ASAP2: variants seen among roughly 807,000 people sequenced by gnomAD.
ASAP2 encodes the protein ArfGAP with SH3 domain, ankyrin repeat and PH domain 2.
Under a neutral mutation model 131.4 loss-of-function variants are expected in ASAP2, and 45 were observed. The observed-to-expected ratio is 0.34, with a 90% CI of 0.27 to 0.44. The LOEUF (loss-of-function observed/expected upper bound fraction) is 0.44. Ranked by LOEUF, ASAP2 falls within the 20% of genes least tolerant of loss-of-function variation. ASAP2 has a pLI of 1.00. For synonymous variants in ASAP2, 510 were observed against 503.0 expected (o/e 1.01, Z -0.19); for missense variants, 1,011 against 1,297.0 (o/e 0.78, Z 3.39).
chr2:9,311,765 G>A lies in ASAP2; in HGVS notation c.346-6759G>A, dbSNP rs933368545. ...AGCCCAGAGCCTGCCCGCCACTCAG[G>A]CTGCAGGGCACACCTGCCGAGAAGC... On this transcript the variant is annotated intron_variant, in intron 3 of 27. Coordinates refer to ENST00000281419, the MANE Select transcript of ASAP2 (RefSeq NM_003887.3). The surrounding 1 kb of genome is among the most constrained non-coding windows in gnomAD (Gnocchi z 5.2). Among the ~76,000 whole-genome samples, 15 of 152,204 alleles carry A rather than the reference G, an allele frequency of 9.9e-5. No homozygotes were observed. The highest frequency in any genetic ancestry group is 3.4e-4 in the African/African-American group (14 of 41,438).
intron 2 of ASAP2, among the ~76,000 whole-genome samples, chr2:9,280,229 C>G (rs1667043627): frequency 6.6e-6 from 1 of 152,202 alleles, no homozygotes. Flanking sequence ...TGTGTCCCCT[C>G]ACCCTCGTGG....
At chr2:9,369,470 C>A (rs1051361943) in intron 16 of ASAP2, among the ~76,000 whole-genome samples, 4 of 152,094 alleles carry the variant, frequency 2.6e-5, no homozygotes, top group African/African-American at 9.7e-5. Flanking sequence ...GTCCGGCTCG[C>A]CTTAGACTTC....
intron 1 of ASAP2, among the ~76,000 whole-genome samples, chr2:9,252,488 C>T (rs1018929837): frequency 7.2e-5 from 11 of 151,978 alleles, no homozygotes; most frequent in African/African-American, 2.2e-4. Flanking sequence ...GCAGGAGAAT[C>T]GCTTAAACCC....
chr2:9,301,884 C>T (rs1267221426), intron 3 of ASAP2, among the ~76,000 whole-genome samples: 1 of 134,640 alleles, frequency 7.4e-6, no homozygotes, highest in Admixed American at 8.3e-5. Flanking sequence ...AGTGCAGTGG[C>T]ACAATCTCAG....
Position 9,330,048 on chromosome 2 carries a change from G to A in ASAP2, c.686+2137G>A, listed in dbSNP as rs192312377. Among the ~76,000 whole-genome samples, 8 of 152,300 alleles carry A rather than the reference G, an allele frequency of 5.3e-5. No individual in the cohort carries two copies. The East Asian group carries it at 1.4e-3, about 26-fold the overall frequency. On this transcript the variant is annotated intron_variant, in intron 7 of 27. Transcript: ENST00000281419. ...CATTTATTTGTTTTATATCTACAGTGTGTGGCACATTTACCTGGCACGTAT... is the reference window on the plus strand; with the variant it reads ...CATTTATTTGTTTTATATCTACAGTATGTGGCACATTTACCTGGCACGTAT...
intron 1 of ASAP2, among the ~76,000 whole-genome samples, chr2:9,270,499 A>T (rs1196665197): frequency 6.6e-6 from 1 of 152,108 alleles, no homozygotes; most frequent in African/African-American, 2.4e-5. Flanking sequence ...TGATACAGGC[A>T]TGCAGTGCAT....
chr2:9,330,667 C>A (rs1670773322), intron 7 of ASAP2, among the ~76,000 whole-genome samples: 3 of 152,172 alleles, frequency 2.0e-5, no homozygotes. Context: ...TTGTGATGAG[C>A]ATGCAAATTA....
chr2:9,343,026 T>C (rs1222870375), intron 9 of ASAP2, among the ~76,000 whole-genome samples: 2 of 152,242 alleles, frequency 1.3e-5, no homozygotes, highest in African/African-American at 4.8e-5. Context: ...GTTAGTTCTT[T>C]CATCGTTTGG....
chr2:9,398,053 C>G (rs528315857), intron 24 of ASAP2, among the ~76,000 whole-genome samples: 1 of 151,630 alleles, frequency 6.6e-6, no homozygotes, highest in East Asian at 2.0e-4. Flanking sequence ...CCACTGCGCC[C>G]GGCCTCAAAA....
chr2:9,289,333 T>A (rs1346510256), intron 2 of ASAP2, among the ~76,000 whole-genome samples: 1 of 152,218 alleles, frequency 6.6e-6, no homozygotes, highest in East Asian at 1.9e-4. Flanking sequence ...TCTCACTTAT[T>A]GGATGCTTGC....
intron 1 of ASAP2, among the ~76,000 whole-genome samples, chr2:9,211,016 G>A (rs1661503817): frequency 1.3e-5 from 2 of 152,088 alleles, no homozygotes; most frequent in Admixed American, 6.5e-5. Context: ...TTAGCTGGGT[G>A]TGGTGGCGCA....
chr2:9,323,774 G>A (rs75836447), intron 6 of ASAP2, among the ~76,000 whole-genome samples: 3,106 of 152,238 alleles, frequency 0.02, 111 homozygotes, highest in African/African-American at 0.071. Context: ...CCTGGGGAGC[G>A]CCTCTCTGCT....
At chr2:9,298,953 A>G (rs1668322553) in intron 3 of ASAP2, among the ~76,000 whole-genome samples, 1 of 152,198 alleles carries the variant, frequency 6.6e-6, no homozygotes, top group East Asian at 1.9e-4. Context: ...GGACACAACT[A>G]TGGTAAGAAA....
intron 5 of ASAP2, among the ~76,000 whole-genome samples, chr2:9,322,263 C>T (rs947581409): frequency 9.2e-5 from 14 of 152,318 alleles, no homozygotes; most frequent in African/African-American, 3.1e-4. Flanking sequence ...TCTTCTTAAA[C>T]ACTCTAGTCC....
chr2:9,364,752 G>A (rs1346480062), intron 15 of ASAP2, among the ~76,000 whole-genome samples: 2 of 152,164 alleles, frequency 1.3e-5, no homozygotes, highest in African/African-American at 4.8e-5. Flanking sequence ...ACTGAAATGT[G>A]CCACCCAGAT....
chr2:9,316,744 G>A (rs1259991430), intron 3 of ASAP2, among the ~76,000 whole-genome samples: 1 of 152,104 alleles, frequency 6.6e-6, no homozygotes, highest in East Asian at 1.9e-4. Context: ...AGACTTGCTT[G>A]CTCCTCGTGT....
At chr2:9,274,957 G>A (rs1338227910) in intron 1 of ASAP2, among the ~76,000 whole-genome samples, 1 of 152,144 alleles carries the variant, frequency 6.6e-6, no homozygotes, top group Non-Finnish European at 1.5e-5. Context: ...TGTGTCCCAT[G>A]ACATAATATG....
chr2:9,339,906 A>G (rs1671463691), intron 9 of ASAP2, among the ~76,000 whole-genome samples: 1 of 152,120 alleles, frequency 6.6e-6, no homozygotes, highest in Non-Finnish European at 1.5e-5. Context: ...GTTCCTATCC[A>G]TTGCAGGGCA....
chr2:9,246,393 C>A (rs903085051), intron 1 of ASAP2, among the ~76,000 whole-genome samples: 2 of 151,574 alleles, frequency 1.3e-5, no homozygotes, highest in Non-Finnish European at 2.9e-5. Context: ...ACTCAGTGAT[C>A]CTCCTGCCTT....
Sources: gnomAD v4.1 joint callset for allele counts (sites outside exome capture counted in the v4.1 genomes callset) on GRCh38, gnomAD v4.1.1 for gene constraint, Gnocchi (gnomAD v3.1) non-coding constraint, MANE v1.5 for transcripts, NCBI Gene and HGNC (gene_info 2026-07-23, HGNC 2026-07-21) for gene names.